The following TRIM44 variants were observed in gnomAD, a reference collection of about 807,000 sequenced individuals.
The protein encoded by TRIM44 is tripartite motif containing 44, also known as tripartite motif-containing protein 44.
TRIM44 carries 13 observed loss-of-function variants against 37.4 expected under a neutral mutation model. The observed-to-expected ratio is 0.35, with a 90% CI of 0.23 to 0.55. The LOEUF is 0.55. Among genes scored for constraint, TRIM44 ranks in the 20% least tolerant of loss-of-function variants. TRIM44 has a pLI of 0.89. For synonymous variants in TRIM44, 175 were observed against 157.2 expected, an observed-to-expected ratio of 1.11 and a Z score of -0.85; for missense variants, 426 against 437.2, an observed-to-expected ratio of 0.97 and a Z score of 0.23.
intron 4 of TRIM44, among the ~76,000 whole-genome samples, chr11:35,751,927 A>G (rs577383815): frequency 2.6e-5 from 4 of 152,204 alleles, no homozygotes; most frequent in Admixed American, 6.5e-5. Context: ...TTGAATGAGT[A>G]TAAGTGACTT....
intron 1 of TRIM44, among the ~76,000 whole-genome samples, chr11:35,669,387 G>T (rs527465066): frequency 2.0e-5 from 3 of 152,036 alleles, no homozygotes; most frequent in Non-Finnish European, 4.4e-5. Context: ...AGTTTAGTTT[G>T]CTTTTACTCT....
At chr11:35,681,126 T>C (rs1004019742) in intron 1 of TRIM44, among the ~76,000 whole-genome samples, 2 of 152,256 alleles carry the variant, frequency 1.3e-5, no homozygotes, top group Non-Finnish European at 2.9e-5. Flanking sequence ...AATGCCATTT[T>C]TGTCCATTGT....
chr11:35,739,100 G>A (rs942019849), intron 4 of TRIM44, among the ~76,000 whole-genome samples: 1 of 152,050 alleles, frequency 6.6e-6, no homozygotes, highest in Admixed American at 6.5e-5. Context: ...TGTGCTTTTA[G>A]TCATGTCTGT....
chr11:35,744,822 T>C (rs1043711242), intron 4 of TRIM44, among the ~76,000 whole-genome samples: 1 of 152,196 alleles, frequency 6.6e-6, no homozygotes, highest in African/African-American at 2.4e-5. Context: ...TGTGCAGTGC[T>C]TGGTTTTCTG....
intron 4 of TRIM44, among the ~76,000 whole-genome samples, chr11:35,805,279 C>G (rs2133885607): frequency 6.6e-6 from 1 of 152,294 alleles, no homozygotes; most frequent in African/African-American, 2.4e-5. Context: ...CAAGCTGGCT[C>G]TTGTTACTAT....
At chr11:35,685,595 C>G (rs574370614) in intron 2 of TRIM44, among the ~76,000 whole-genome samples, 12 of 152,298 alleles carry the variant, frequency 7.9e-5, no homozygotes, top group Admixed American at 2.6e-4. Flanking sequence ...TCCTCCTTTA[C>G]CAGGGGTCTT....
chr11:35,708,853 T>C (rs910494113), intron 2 of TRIM44, among the ~76,000 whole-genome samples: 2 of 151,890 alleles, frequency 1.3e-5, no homozygotes, highest in African/African-American at 4.8e-5. Context: ...ATGGCACATG[T>C]ATACAACTGT....
chr11:35,761,389 C>CTG, intron 4 of TRIM44, among the ~76,000 whole-genome samples: 1 of 55,666 alleles, frequency 1.8e-5, no homozygotes, highest in Non-Finnish European at 4.3e-5. Flanking sequence ...GTATTGTTTG[C>CTG]TCTCTCTCTC....
intron 1 of TRIM44, among the ~76,000 whole-genome samples, chr11:35,665,634 GC>G (rs1156805258): frequency 9.3e-6 from 1 of 107,450 alleles, no homozygotes; most frequent in East Asian, 3.0e-4. Flanking sequence ...TTGCTCTGTT[GC>G]CCAGGCTGGA....
At chr11:35,790,538 C>T (rs1853194295) in intron 4 of TRIM44, among the ~76,000 whole-genome samples, 2 of 152,078 alleles carry the variant, frequency 1.3e-5, no homozygotes, top group South Asian at 2.1e-4. Context: ...CTTGTCTCTG[C>T]TTCAGCTCTA....
intron 2 of TRIM44, among the ~76,000 whole-genome samples, chr11:35,687,743 A>G (rs1488786035): frequency 6.6e-6 from 1 of 152,196 alleles, no homozygotes. Context: ...AATCCCTGGA[A>G]GTGTCAGGGT....
rs1184908384 is a variant in TRIM44 at position 35,803,483 on chromosome 11, C to T, written c.1008-2875C>T. 2.6e-5 allele frequency among the ~76,000 whole-genome samples: 4 copies of T among 152,092 alleles called. No homozygotes were observed. The East Asian group carries it at 7.7e-4, about 29-fold the overall frequency. On this transcript the variant is annotated intron_variant, in intron 4 of 4. Transcript: ENST00000299413. ...ATGGTGGCTCATGCCTGTAATCCAG[C>T]ACTTTGGGAGACTGGGGCAGGCGGA...
intron 3 of TRIM44, among the ~76,000 whole-genome samples, chr11:35,734,302 A>G (rs146474527): frequency 1.9e-4 from 29 of 152,316 alleles, no homozygotes; most frequent in African/African-American, 7.0e-4. Flanking sequence ...GATTATAAGC[A>G]TTATTTCATT....
At chr11:35,691,733 C>G (rs1449833785) in intron 2 of TRIM44, among the ~76,000 whole-genome samples, 1 of 152,180 alleles carries the variant, frequency 6.6e-6, no homozygotes, top group Non-Finnish European at 1.5e-5. Flanking sequence ...TAAGCTCCAC[C>G]TCCCAGGTTC....
chr11:35,770,679 G>T (rs1394094996), intron 4 of TRIM44, among the ~76,000 whole-genome samples: 1 of 152,070 alleles, frequency 6.6e-6, no homozygotes, highest in Non-Finnish European at 1.5e-5. Flanking sequence ...TTTGTTGGCC[G>T]CTTGGATGTT....
At chr11:35,680,365 AATATTCTAC>A (rs1851508669) in intron 1 of TRIM44, among the ~76,000 whole-genome samples, 1 of 152,166 alleles carries the variant, frequency 6.6e-6, no homozygotes, top group South Asian at 2.1e-4. Context: ...TTGCTTTTCT[AATATTCTAC>A]ATACCTATGT....
chr11:35,755,119 C>G (rs922615263), intron 4 of TRIM44, among the ~76,000 whole-genome samples: 2 of 152,194 alleles, frequency 1.3e-5, no homozygotes, highest in African/African-American at 4.8e-5. Flanking sequence ...ACACTCCCAC[C>G]AACAGTGTAA....
rs190928554 is a variant in TRIM44 at position 35,777,987 on chromosome 11, G to C, written c.1008-28371G>C. ...TTGTGGCATTCTCTGTATTTCCTGA[G>C]TTTGAATGTTGGCCTGCCTTGCTAG... On this transcript the variant is annotated intron_variant, in intron 4 of 4. Coordinates refer to ENST00000299413, the MANE Select transcript of TRIM44 (RefSeq NM_017583.6). 2.6e-5 allele frequency among the ~76,000 whole-genome samples: 4 copies of C among 152,188 alleles called. No homozygotes were observed. The East Asian group carries it at 7.7e-4, about 29-fold the overall frequency.
chr11:35,685,724 C>T (rs773136125), intron 2 of TRIM44, among the ~76,000 whole-genome samples: 7 of 151,902 alleles, frequency 4.6e-5, no homozygotes, highest in African/African-American at 7.3e-5. Context: ...AGTGCAGTGG[C>T]GCAATCTTGG....
Sources: allele counts gnomAD v4.1 joint callset (sites outside exome capture counted in the v4.1 genomes callset), GRCh38; gene constraint gnomAD v4.1.1; transcripts MANE v1.5; gene names NCBI Gene and HGNC (gene_info 2026-07-23, HGNC 2026-07-21).